Variants in MACF1 observed in about 807,000 individuals in gnomAD.
MACF1 encodes the protein microtubule actin crosslinking factor 1.
In MACF1, 193 loss-of-function variants were observed where a neutral mutation model predicts 854.8. The ratio of observed to expected loss-of-function variants is 0.23; its 90% confidence interval spans 0.20 to 0.25. MACF1 has a LOEUF of 0.25. MACF1 is among the 10% of genes least tolerant of loss of function. The pLI, the probability that MACF1 is intolerant of heterozygous loss-of-function variation, is 1.00. For synonymous variants in MACF1, 3,185 were observed against 3,226.7 expected, an observed-to-expected ratio of 0.99 and a Z score of 0.44; for missense variants, 7,722 against 8,929.1, an observed-to-expected ratio of 0.86 and a Z score of 5.45.
At chr1:39,380,404 C>G in intron 55 of MACF1, 31 bp downstream of exon 55, 1 of 1,599,202 alleles carries the variant, frequency 6.3e-7, no homozygotes, top group Non-Finnish European at 8.5e-7. Context: ...TACAAATTTG[C>G]TAAGTTACTT....
At chr1:39,376,747 G>A (rs985972744) in intron 52 of MACF1, among the ~76,000 whole-genome samples, 1 of 151,876 alleles carries the variant, frequency 6.6e-6, no homozygotes, top group Non-Finnish European at 1.5e-5. Flanking sequence ...ACAGGGTCTC[G>A]CTCTGTCACC....
chr1:39,109,749 A>G (rs1376393291), intron 2 of MACF1, among the ~76,000 whole-genome samples: 5 of 152,206 alleles, frequency 3.3e-5, no homozygotes, highest in Admixed American at 1.3e-4. Flanking sequence ...ATTACTGTCT[A>G]AGAGCCAGGC....
chr1:39,306,161 T>G lies in MACF1; in HGVS notation c.2789+3083T>G, dbSNP rs560033834. ...ATTATTTTATTTACTTTCTTTACTT[T>G]TTTTTTTTTTTGGTTTGAGACGGAG... is the stretch of plus-strand genomic sequence containing the variant. On this transcript the variant is annotated intron_variant, in intron 23 of 100. Coordinates refer to ENST00000564288, the MANE Select transcript of MACF1 (RefSeq NM_001394062.1). 1.1e-3 allele frequency among the ~76,000 whole-genome samples: 173 copies of G among 151,236 alleles called. 1 individual carries two copies. The highest frequency in any genetic ancestry group is 3.8e-3 in the African/African-American group (159 of 41,454).
Position 39,443,519 on chromosome 1 carries a change from C to G in MACF1, c.19376C>G (p.Ser6459Cys). The change falls in exon 79 of 101, where the codon TCT becomes TGT. Residue 6459 changes from serine to cysteine, a missense_variant. Transcript: ENST00000564288. ...AGAATGGAGAGCCAGCTTTCTGCAT[C>G]TAAGCCCACAGGAGGACTTCCTGAA... is the stretch of plus-strand genomic sequence containing the variant. ...LTRMESQLSA[S>C]KPTGGLPETA... 1 of 1,613,820 alleles carries G rather than the reference C, an allele frequency of 6.2e-7. No homozygotes were observed. The highest frequency in any genetic ancestry group is 8.5e-7 in the Non-Finnish European group (1 of 1,179,886).
At chr1:39,454,843 A>T in intron 88 of MACF1, 66 bp from the exon 89 acceptor site, 2 of 1,359,150 alleles carry the variant, frequency 1.5e-6, no homozygotes, top group Non-Finnish European at 2.0e-6. Context: ...CAGATGAAAA[A>T]GGGCTTTGGA....
intron 61 of MACF1, among the ~76,000 whole-genome samples, chr1:39,427,120 G>A (rs1401770286): frequency 6.6e-6 from 1 of 152,162 alleles, no homozygotes; most frequent in Non-Finnish European, 1.5e-5. Context: ...GAGAACATTA[G>A]AAGATTTGAT....
At position 39,217,922 on chromosome 1, in the gene MACF1, G is replaced by A. The variant is rs560860683; in HGVS notation, c.109+12791G>A. Among the ~76,000 whole-genome samples the A allele has an allele frequency of 1.9e-3, 284 of 150,812 alleles. 2 individuals carry two copies. The highest frequency in any genetic ancestry group is 6.7e-3 in the African/African-American group (275 of 40,880). ...AAAGAGGTCGGTCACAGTGGCTCAT[G>A]CCTGTAATCCCAGCACTTTGGGAGG... is the stretch of plus-strand genomic sequence containing the variant. On this transcript the variant is annotated intron_variant, in intron 1 of 100. Transcript: ENST00000564288.
At chr1:39,433,675 G>A (rs1010715735) in intron 68 of MACF1, among the ~76,000 whole-genome samples, 2 of 152,108 alleles carry the variant, frequency 1.3e-5, no homozygotes, top group African/African-American at 4.8e-5. Flanking sequence ...AAGCATAAAT[G>A]GCAGGTTTCT....
chr1:39,430,947 G>T (rs780472576), intron 66 of MACF1, 39 bp downstream of exon 66: 118 of 1,546,948 alleles, frequency 7.6e-5, no homozygotes, highest in Non-Finnish European at 1.0e-4. Context: ...ATTTTAGACA[G>T]TATTGATGTG....
At chr1:39,119,604 C>A (rs1642642695) in intron 2 of MACF1, among the ~76,000 whole-genome samples, 1 of 152,018 alleles carries the variant, frequency 6.6e-6, no homozygotes, top group African/African-American at 2.4e-5. Context: ...CTTCCAGCAC[C>A]TTTCACAATG....
chr1:39,175,504 G>A (rs531794195), intron 2 of MACF1, among the ~76,000 whole-genome samples: 2 of 152,062 alleles, frequency 1.3e-5, no homozygotes, highest in African/African-American at 4.8e-5. Context: ...ACTTCACTTT[G>A]GTGTAAAACC....
intron 58 of MACF1, among the ~76,000 whole-genome samples, chr1:39,403,843 G>T (rs553902013): frequency 0.018 from 2,770 of 152,026 alleles, 84 homozygotes; most frequent in African/African-American, 0.064. Context: ...TTTTTGGGCG[G>T]GGGGGCCGGG....
At position 39,347,172 on chromosome 1, in the gene MACF1, G is replaced by A. The variant is rs1647070877; in HGVS notation, c.10777G>A (p.Gly3593Ser). The change falls in exon 41 of 101, where the codon GGC becomes AGC. Residue 3593 changes from glycine (G) to serine (S), a missense_variant. Around this residue, in one of 15 missense-constraint regions of MACF1, gnomAD observed 854 missense variants for 852.6 expected, o/e 1.00. Coordinates refer to ENST00000564288, the MANE Select transcript of MACF1 (RefSeq NM_001394062.1). Reference protein sequence around the residue: ...QTAAQVDALQGHLQQMEQEAL... With the variant: ...QTAAQVDALQSHLQQMEQEAL... ...TGCCGCTCAGGTGGATGCCTTGCAG[G>A]GCCATCTTCAACAAATGGAGCAGGA... 1 of 1,613,950 alleles carries A rather than the reference G, an allele frequency of 6.2e-7. No individual in the cohort carries two copies. Among genetic ancestry groups the A allele is most frequent in the Non-Finnish European group, 8.5e-7 (1 of 1,179,944 alleles).
chr1:39,254,086 A>C, intron 4 of MACF1: 1 of 539,240 alleles, frequency 1.9e-6, no homozygotes, highest in Non-Finnish European at 3.3e-6. Context: ...CGAGATGCGT[A>C]GTGGTACACA....
intron 6 of MACF1, among the ~76,000 whole-genome samples, chr1:39,263,282 C>T (rs1314506883): frequency 6.6e-6 from 1 of 152,028 alleles, no homozygotes; most frequent in East Asian, 1.9e-4. Flanking sequence ...AGGCTGGATC[C>T]AGATTAAAGA....
chr1:39,392,304 C>A (rs1459768101), intron 58 of MACF1, among the ~76,000 whole-genome samples: 3 of 151,998 alleles, frequency 2.0e-5, no homozygotes, highest in Non-Finnish European at 4.4e-5. Context: ...CTTTTTGGAC[C>A]CATTCTGAGG....
rs935639543 is a variant in MACF1, at chr1:39,387,267, T to A, written c.14425T>A (p.Leu4809Met). The A allele has an allele frequency of 1.2e-6, 2 of 1,614,178 alleles. No individual in the cohort carries two copies. The highest frequency in any genetic ancestry group is 1.7e-6 in the Non-Finnish European group (2 of 1,180,032). Residue 4809 changes from leucine (L) to methionine (M), a missense_variant, in exon 58 of 101, where the codon TTG becomes ATG. Transcript: ENST00000564288. ...AATGTTTGATGAGTTGAGGACCTGG[T>A]TGGATGATAAACAAAGCCAGCAAGC... ...QQMFDELRTWLDDKQSQQAKN... is the reference protein window; with the variant it reads ...QQMFDELRTWMDDKQSQQAKN...
At chr1:39,155,061 A>G (rs1043934194) in intron 2 of MACF1, among the ~76,000 whole-genome samples, 2 of 152,204 alleles carry the variant, frequency 1.3e-5, no homozygotes, top group African/African-American at 4.8e-5. Context: ...ATGAATAGCC[A>G]TGAAAGGCAT....
Position 39,285,591 on chromosome 1 carries a change from C to G in MACF1, c.1354-13C>G. On this transcript the variant is annotated splice_polypyrimidine_tract_variant and intron_variant, in intron 13 of 100. Transcript: ENST00000564288. ...GGAAGTTTTCCCACTGTTATTCTCT[C>G]TTCCTGTCTCAGGATGCTGCTCACC... 6.2e-7 allele frequency: 1 copy of G among 1,611,596 alleles called. No individual in the cohort carries two copies. Among genetic ancestry groups the G allele is most frequent in the Non-Finnish European group, 8.5e-7 (1 of 1,178,376 alleles).
Sources: gnomAD v4.1 joint callset for allele counts (sites outside exome capture counted in the v4.1 genomes callset) on GRCh38, gnomAD v4.1.1 for gene constraint, gnomAD v4.1.1 regional missense constraint, MANE v1.5 for transcripts, NCBI Gene and HGNC (gene_info 2026-07-23, HGNC 2026-07-21) for gene names.